The following MGAT4C variants were observed in gnomAD, a reference collection of about 807,000 sequenced individuals.
MGAT4C encodes the protein MGAT4 family member C, also known as alpha-1,3-mannosyl-glycoprotein 4-beta-N-acetylglucosaminyltransferase C.
A neutral mutation model predicts 40.1 loss-of-function variants in MGAT4C; 19 were observed. The observed-to-expected ratio is 0.47, with a 90% CI of 0.33 to 0.70. The LOEUF (loss-of-function observed/expected upper bound fraction) is 0.70, where lower values mean the gene tolerates loss of function less well. MGAT4C is among the 30% of genes least tolerant of loss of function. The pLI, the probability that MGAT4C is intolerant of heterozygous loss-of-function variation, is 0.02. For missense variants in MGAT4C, 491 were observed against 563.2 expected (o/e 0.87, Z 1.30); for synonymous variants, 181 against 187.1 (o/e 0.97, Z 0.27).
At chr12:86,505,204 T>C (rs1226790610) in intron 2 of MGAT4C, among the ~76,000 whole-genome samples, 2 of 151,922 alleles carry the variant, frequency 1.3e-5, no homozygotes, top group African/African-American at 4.8e-5. Context: ...CTCTCAATTG[T>C]TTGAAAAAAA....
intron 2 of MGAT4C, among the ~76,000 whole-genome samples, chr12:86,558,824 A>G (rs1959732821): frequency 6.6e-6 from 1 of 152,014 alleles, no homozygotes; most frequent in African/African-American, 2.4e-5. Context: ...GCTACACAAA[A>G]CAATGAGAAA....
At chr12:86,771,043 G>A (rs535052324) in intron 1 of MGAT4C, among the ~76,000 whole-genome samples, 1 of 152,200 alleles carries the variant, frequency 6.6e-6, no homozygotes, top group African/African-American at 2.4e-5. Context: ...AATTCAATAT[G>A]ACTGGTGTCC....
intron 2 of MGAT4C, among the ~76,000 whole-genome samples, chr12:85,995,832 A>T (rs1273092310): frequency 6.6e-6 from 1 of 152,164 alleles, no homozygotes; most frequent in African/African-American, 2.4e-5. Context: ...TAATTGTGCC[A>T]CTGCACTCCA....
chr12:86,815,329 C>CA (rs1952580091), intron 1 of MGAT4C, among the ~76,000 whole-genome samples: 1 of 151,606 alleles, frequency 6.6e-6, no homozygotes. Flanking sequence ...TGACCATAAT[C>CA]AAAAAACAAA....
chr12:86,643,753 G>C (rs1963457600), intron 2 of MGAT4C, among the ~76,000 whole-genome samples: 1 of 151,782 alleles, frequency 6.6e-6, no homozygotes. Flanking sequence ...TCTGGAATTA[G>C]AGTGATTATT....
At chr12:86,702,467 C>G (rs888507664) in intron 2 of MGAT4C, among the ~76,000 whole-genome samples, 8 of 152,172 alleles carry the variant, frequency 5.3e-5, no homozygotes, top group African/African-American at 1.7e-4. Flanking sequence ...TGGGCTGACT[C>G]TCTTGTTAAG....
intron 3 of MGAT4C, among the ~76,000 whole-genome samples, chr12:86,408,479 C>CTCTGTATATATATATATATATATA: frequency 1.6e-5 from 1 of 63,344 alleles, no homozygotes; most frequent in African/African-American, 7.8e-5. Context: ...CTCTCTCTCT[C>CTCTGTATATATATATATATATATA]TATATATATA....
At chr12:86,338,164 A>G (rs775899196) in intron 3 of MGAT4C, among the ~76,000 whole-genome samples, 27 of 152,176 alleles carry the variant, frequency 1.8e-4, no homozygotes, top group Non-Finnish European at 3.7e-4. Context: ...TTCGGGGAGC[A>G]GAATTTTTAA....
chr12:86,021,019 A>C (rs1889670308), intron 2 of MGAT4C, among the ~76,000 whole-genome samples: 1 of 152,208 alleles, frequency 6.6e-6, no homozygotes, highest in African/African-American at 2.4e-5. Context: ...AGAGAAATGC[A>C]AATCAAAACC....
chr12:86,267,095 T>C (rs1952805636), intron 4 of MGAT4C, among the ~76,000 whole-genome samples: 1 of 152,184 alleles, frequency 6.6e-6, no homozygotes, highest in South Asian at 2.1e-4. Context: ...TTTTGGTCTT[T>C]TTTCATTTAG....
chr12:86,500,096 A>AT lies in MGAT4C; in HGVS notation c.-228-64832_-228-64831insA, dbSNP rs552579704. Among the ~76,000 whole-genome samples the AT allele has an allele frequency of 3.3e-3, 498 of 151,994 alleles. 1 individual carries two copies. Among genetic ancestry groups the AT allele is most frequent in the African/African-American group, 0.012 (481 of 41,516 alleles). Reference sequence around the variant, plus strand: ...TTCAATGCATCGGAAATGAAAAAAAAATTGCTGAATTCATTACACATATAT... The same window carrying AT: ...TTCAATGCATCGGAAATGAAAAAAAATATTGCTGAATTCATTACACATATAT... On this transcript the variant is annotated intron_variant, in intron 2 of 7. Coordinates refer to the MGAT4C transcript ENST00000548651.
At chr12:86,093,790 TA>T (rs1040069856) in intron 1 of MGAT4C, among the ~76,000 whole-genome samples, 1 of 151,594 alleles carries the variant, frequency 6.6e-6, no homozygotes, top group Non-Finnish European at 1.5e-5. Flanking sequence ...AAGGCCCTTT[TA>T]AATTACTCTT....
At chr12:86,356,983 C>T (rs375266195) in intron 3 of MGAT4C, among the ~76,000 whole-genome samples, 9 of 152,158 alleles carry the variant, frequency 5.9e-5, no homozygotes, top group East Asian at 5.8e-4. Flanking sequence ...GTGGTTCTCC[C>T]ACCACAGAGT....
rs554470708 is a variant in MGAT4C at position 85,979,248 on chromosome 12, G to A, written c.*41C>T. 1.3e-6 allele frequency: 2 copies of A among 1,485,496 alleles called. No individual in the cohort carries two copies. Among genetic ancestry groups the A allele is most frequent in the East Asian group, 2.3e-5 (1 of 43,606 alleles). 92.0% of individuals were successfully genotyped at this position (1,485,496 alleles called of 1,614,324 possible). A position where few individuals can be genotyped will look rare whatever the true frequency, so the allele number is the denominator to read the frequency against. On this transcript the variant is annotated 3_prime_UTR_variant, in exon 5 of 5. Coordinates refer to ENST00000611864, the MANE Select transcript of MGAT4C (RefSeq NM_001351288.2). ...GACAAAGGTAGCAAAAGACGAAGCA[G>A]GAAGAACTGCTTCAGAAACTGAACA...
intron 1 of MGAT4C, among the ~76,000 whole-genome samples, chr12:86,178,146 C>T (rs1198172994): frequency 6.6e-6 from 1 of 152,112 alleles, no homozygotes; most frequent in Non-Finnish European, 1.5e-5. Context: ...CCGTGTTAGC[C>T]AGGATGGTCT....
chr12:86,166,794 A>C (rs1886244371), intron 1 of MGAT4C, among the ~76,000 whole-genome samples: 1 of 152,210 alleles, frequency 6.6e-6, no homozygotes, highest in African/African-American at 2.4e-5. Flanking sequence ...CACATTATAT[A>C]ACGTACATAA....
Position 86,667,380 on chromosome 12 carries a change from C to T in MGAT4C, c.-229+59829G>A, listed in dbSNP as rs373255904. Among the ~76,000 whole-genome samples the T allele has an allele frequency of 1.3e-5, 2 of 152,176 alleles. 1 individual carries two copies. The highest frequency in any genetic ancestry group is 6.8e-3 in the Middle Eastern group (2 of 294). ...CATGTAAACGTTTCAGTTTTAATTT[C>T]GAGACAGTAGGACAAATGGTCAGAA... is the stretch of plus-strand genomic sequence containing the variant. On this transcript the variant is annotated intron_variant, in intron 2 of 7. Coordinates refer to the MGAT4C transcript ENST00000548651.
At chr12:86,737,700 C>T (rs927495756) in intron 1 of MGAT4C, among the ~76,000 whole-genome samples, 3 of 151,362 alleles carry the variant, frequency 2.0e-5, no homozygotes, top group Non-Finnish European at 4.4e-5. Context: ...CCTAAAATTT[C>T]CTGTTTTGTC....
chr12:86,218,186 T>A (rs956640735), intron 1 of MGAT4C, among the ~76,000 whole-genome samples: 1 of 152,114 alleles, frequency 6.6e-6, no homozygotes, highest in Non-Finnish European at 1.5e-5. Context: ...AGTTTCTGCA[T>A]CACTCAAGAA....
Sources: gnomAD v4.1 joint callset for allele counts (sites outside exome capture counted in the v4.1 genomes callset) on GRCh38, gnomAD v4.1.1 for gene constraint, MANE v1.5 for transcripts, NCBI Gene and HGNC (gene_info 2026-07-23, HGNC 2026-07-21) for gene names.